KCNG3: variants seen among roughly 807,000 people sequenced by gnomAD.
KCNG3 encodes the protein potassium voltage-gated channel modifier subfamily G member 3.
KCNG3 carries 15 observed loss-of-function variants against 29.0 expected under a neutral mutation model. That is an observed-to-expected ratio of 0.52 (90% CI 0.35 to 0.80). The LOEUF (loss-of-function observed/expected upper bound fraction) is 0.80, where lower values mean the gene tolerates loss of function less well. KCNG3 is among the 30% of genes least tolerant of loss of function. The probability of loss-of-function intolerance (pLI) is 0.01; values close to 1 mark genes in which losing one functional copy is unlikely to be tolerated. For missense variants in KCNG3, 512 were observed against 605.7 expected, an observed-to-expected ratio of 0.85 and a Z score of 1.62; for synonymous variants, 322 against 248.9, an observed-to-expected ratio of 1.29 and a Z score of -2.76.
In KCNG3 at chr2:42,443,042, T is replaced by C. The variant is rs541904878; in HGVS notation, c.*892A>G. On this transcript the variant is annotated 3_prime_UTR_variant, in exon 2 of 2. Coordinates refer to ENST00000306078, the MANE Select transcript of KCNG3 (RefSeq NM_133329.6). The stretch of plus-strand genomic sequence containing the variant: ...CATCTGATAAGTCTTATTAAACCTC[T>C]AGTGTTTGGGGGAGGAGGTTAAGAG... 6.6e-6 allele frequency: 1 copy of C among 152,308 alleles called. No homozygotes were observed. Among genetic ancestry groups the C allele is most frequent in the East Asian group, 1.9e-4 (1 of 5,194 alleles). The allele number at this position is 152,308 out of a possible 1,614,324, so 9.4% of individuals were successfully genotyped here.
chr2:42,457,075 T>C (rs944371578), intron 1 of KCNG3, among the ~76,000 whole-genome samples: 1 of 152,194 alleles, frequency 6.6e-6, no homozygotes, highest in African/African-American at 2.4e-5. Context: ...TGAACACTTA[T>C]TCAAGTTCCA....
chr2:42,451,178 C>T (rs1203122989), intron 1 of KCNG3, among the ~76,000 whole-genome samples: 3 of 125,498 alleles, frequency 2.4e-5, no homozygotes, highest in African/African-American at 9.8e-5. Context: ...GCACTCCAGC[C>T]TGGGTGACAG....
chr2:42,482,056 TCAAA>T (rs1270729929), intron 1 of KCNG3, among the ~76,000 whole-genome samples: 4 of 152,180 alleles, frequency 2.6e-5, no homozygotes, highest in Non-Finnish European at 4.4e-5. Context: ...ACTCCTGGGC[TCAAA>T]CAAACTGCCT....
intron 1 of KCNG3, among the ~76,000 whole-genome samples, chr2:42,489,460 T>C (rs1255493724): frequency 6.6e-6 from 1 of 152,212 alleles, no homozygotes; most frequent in Non-Finnish European, 1.5e-5. Flanking sequence ...ACCTGCCTTC[T>C]AGGACTTTTT....
the KCNG3 span, among the ~76,000 whole-genome samples, chr2:42,421,330 G>A: frequency 1.8e-3 from 277 of 152,164 alleles, no homozygotes; most frequent in African/African-American, 6.5e-3. Flanking sequence ...CAATAATAAA[G>A]AAAGATCAAC....
Position 42,443,104 on chromosome 2 carries a change from T to G in KCNG3, c.*830A>C, listed in dbSNP as rs1438104787. The G allele has an allele frequency of 6.6e-6, 1 of 152,174 alleles. No individual in the cohort carries two copies. Among genetic ancestry groups the G allele is most frequent in the Non-Finnish European group, 1.5e-5 (1 of 68,014 alleles). 9.4% of individuals were successfully genotyped at this position (152,174 alleles called of 1,614,324 possible). On this transcript the variant is annotated 3_prime_UTR_variant, in exon 2 of 2. Coordinates refer to ENST00000306078, the MANE Select transcript of KCNG3 (RefSeq NM_133329.6). ...GTAATATTGAGTCATCTCAAATTAT[T>G]CCTATTATAATTTTTATGTTGGAAG...
chr2:42,407,862 G>A, the KCNG3 span, among the ~76,000 whole-genome samples: 2 of 152,170 alleles, frequency 1.3e-5, no homozygotes. Flanking sequence ...CGCCAACTCT[G>A]GGGCAGCTGC....
rs748783310 is a variant in KCNG3 at position 42,493,423 on chromosome 2, G to A, written c.79C>T (p.Leu27=). 6.7e-7 allele frequency: 1 copy of A among 1,503,228 alleles called. No homozygotes were observed. The highest frequency in any genetic ancestry group is 8.9e-7 in the Non-Finnish European group (1 of 1,129,800). 93.1% of individuals were successfully genotyped at this position (1,503,228 alleles called of 1,614,324 possible). The part of the protein sequence containing the change: ...GARYSLSREL[L]KDFPLRRVSR... ...ACGCGGCGCAGCGGGAAGTCCTTCAGCAGCTCCCGGGACAGCGAATACCGG... is the reference window on the plus strand; with the variant it reads ...ACGCGGCGCAGCGGGAAGTCCTTCAACAGCTCCCGGGACAGCGAATACCGG... The change falls in exon 1 of 2, where the codon CTG becomes TTG. Residue 27 remains leucine, a synonymous_variant. Coordinates refer to ENST00000306078, the MANE Select transcript of KCNG3 (RefSeq NM_133329.6).
chr2:42,425,084 C>G, the KCNG3 span: 7 of 152,274 alleles, frequency 4.6e-5, no homozygotes, highest in Admixed American at 3.3e-4. Flanking sequence ...AACCGCCATG[C>G]TGTTGGCGGG....
At chr2:42,415,441 T>A in the KCNG3 span, 11 of 152,200 alleles carry the variant, frequency 7.2e-5, no homozygotes, top group African/African-American at 2.4e-4. Context: ...AAGAGTCTCA[T>A]GCTTCCATGA....
In KCNG3 at chr2:42,442,625, A is replaced by G. The variant is rs903280495; in HGVS notation, c.*1309T>C. 6.6e-6 allele frequency: 1 copy of G among 152,122 alleles called. No individual in the cohort carries two copies. The highest frequency in any genetic ancestry group is 1.5e-5 in the Non-Finnish European group (1 of 68,020). 9.4% of individuals were successfully genotyped at this position (152,122 alleles called of 1,614,324 possible). ...ACAAAATTACTGTGTACAACATTCA[A>G]TTTTTTATGAATCTGTCACTAATTA... On this transcript the variant is annotated 3_prime_UTR_variant, in exon 2 of 2. Transcript: ENST00000306078.
chr2:42,436,984 C>T, the KCNG3 span, among the ~76,000 whole-genome samples: 3 of 152,040 alleles, frequency 2.0e-5, no homozygotes, highest in Non-Finnish European at 4.4e-5. Flanking sequence ...GAAGGGTGAC[C>T]CACAGGTTAG....
chr2:42,429,591 C>T, the KCNG3 span, among the ~76,000 whole-genome samples: 2 of 152,292 alleles, frequency 1.3e-5, no homozygotes, highest in African/African-American at 4.8e-5. Flanking sequence ...GGGTGTGACA[C>T]TGCACAAAGT....
At chr2:42,456,931 A>T (rs769577165) in intron 1 of KCNG3, among the ~76,000 whole-genome samples, 1 of 152,214 alleles carries the variant, frequency 6.6e-6, no homozygotes, top group Non-Finnish European at 1.5e-5. Context: ...ATAGGAAAAA[A>T]GTAGGGTTTT....
intron 1 of KCNG3, among the ~76,000 whole-genome samples, chr2:42,467,862 T>G (rs1237693071): frequency 2.7e-5 from 4 of 150,116 alleles, no homozygotes; most frequent in South Asian, 2.1e-4. Context: ...TCCTAGCTAC[T>G]GGGGAGCTGA....
At chr2:42,468,171 C>T (rs886123162) in intron 1 of KCNG3, among the ~76,000 whole-genome samples, 9 of 152,050 alleles carry the variant, frequency 5.9e-5, no homozygotes, top group Non-Finnish European at 1.3e-4. Context: ...ATCAGTACAA[C>T]TCTAGAGGGT....
chr2:42,421,859 G>C, the KCNG3 span, among the ~76,000 whole-genome samples: 1 of 152,142 alleles, frequency 6.6e-6, no homozygotes, highest in East Asian at 1.9e-4. Flanking sequence ...TAACAAGTTT[G>C]TTTTCTGTTT....
chr2:42,446,082 T>C lies in KCNG3; in HGVS notation c.666-1503A>G, dbSNP rs1672590330. Among the ~76,000 whole-genome samples, 2 of 152,024 alleles carry C rather than the reference T, an allele frequency of 1.3e-5. 1 individual carries two copies. Among genetic ancestry groups the C allele is most frequent in the East Asian group, 3.9e-4 (2 of 5,180 alleles). On this transcript the variant is annotated intron_variant, in intron 1 of 1. Coordinates refer to ENST00000306078, the MANE Select transcript of KCNG3 (RefSeq NM_133329.6). ...CCTGGGAGCTCTAGGCCCCCAGCCC[T>C]CAGCCCATAAACCCCAAAGCTGAGA...
chr2:42,441,309 G>C (rs1324022678), downstream of KCNG3, among the ~76,000 whole-genome samples: 1 of 152,082 alleles, frequency 6.6e-6, no homozygotes, highest in Non-Finnish European at 1.5e-5. Context: ...GACTGCTTGA[G>C]CCCAGGAGTT....
Sources: allele counts gnomAD v4.1 joint callset (sites outside exome capture counted in the v4.1 genomes callset), GRCh38; gene constraint gnomAD v4.1.1; transcripts MANE v1.5; gene names NCBI Gene and HGNC (gene_info 2026-07-23, HGNC 2026-07-21).